PKIB: variants seen among roughly 807,000 people sequenced by gnomAD.
PKIB encodes cAMP-dependent protein kinase inhibitor beta.
A neutral mutation model predicts 4.5 loss-of-function variants in PKIB; 2 were observed. The ratio of observed to expected loss-of-function variants is 0.44; its 90% CI spans 0.18 to 1.39. The LOEUF (loss-of-function observed/expected upper bound fraction) is 1.39. Ranked by LOEUF, PKIB falls within the 40% of genes most tolerant of loss-of-function variation. The probability of loss-of-function intolerance (pLI) is 0.27; values close to 1 mark genes in which losing one functional copy is unlikely to be tolerated. For missense variants in PKIB, 94 were observed against 92.6 expected, an observed-to-expected ratio of 1.02 and a Z score of -0.06; for synonymous variants, 38 against 36.0, an observed-to-expected ratio of 1.06 and a Z score of -0.20.
chr6:122,722,287 A>T (rs905646032), intron 4 of PKIB, among the ~76,000 whole-genome samples: 3 of 152,184 alleles, frequency 2.0e-5, no homozygotes, highest in African/African-American at 7.2e-5. Context: ...ACACTTTCAC[A>T]TTACAAAGCA....
At chr6:122,546,608 A>G (rs1772500984) in intron 2 of PKIB, among the ~76,000 whole-genome samples, 2 of 152,132 alleles carry the variant, frequency 1.3e-5, no homozygotes, top group African/African-American at 2.4e-5. Flanking sequence ...CTTAAACTGT[A>G]TATAAAAGCC....
intron 1 of PKIB, among the ~76,000 whole-genome samples, chr6:122,476,256 G>A (rs1775449653): frequency 6.6e-6 from 1 of 152,094 alleles, no homozygotes. Context: ...TATCTTAAAT[G>A]TAAACATGTT....
At chr6:122,690,465 G>A (rs1582814893) in intron 3 of PKIB, among the ~76,000 whole-genome samples, 2 of 151,978 alleles carry the variant, frequency 1.3e-5, no homozygotes, top group South Asian at 2.1e-4. Flanking sequence ...CTCATAACCC[G>A]TTATGTTAAA....
exon 1 of PKIB, chr6:122,471,987 T>A (rs530924987): frequency 3.3e-6 from 3 of 900,824 alleles, no homozygotes; most frequent in South Asian, 2.0e-5. Context: ...GACTGCTGGC[T>A]GGAAACTTAA....
chr6:122,574,755 C>A (rs892643202), intron 2 of PKIB, among the ~76,000 whole-genome samples: 3 of 152,060 alleles, frequency 2.0e-5, no homozygotes, highest in African/African-American at 7.2e-5. Flanking sequence ...AACTCAAGAT[C>A]AATCAAAGAC....
At chr6:122,633,493 A>C (rs1484921411) in intron 2 of PKIB, 126 bp downstream of exon 2, 2 of 152,206 alleles carry the variant, frequency 1.3e-5, no homozygotes, top group African/African-American at 2.4e-5. Context: ...GGATATCTTC[A>C]TTTTAGAAAA....
At chr6:122,566,022 A>G (rs894458432) in intron 2 of PKIB, among the ~76,000 whole-genome samples, 3 of 151,788 alleles carry the variant, frequency 2.0e-5, no homozygotes, top group African/African-American at 7.3e-5. Context: ...TTCATCTTCT[A>G]ACAGTTTACT....
chr6:122,482,511 C>T (rs1312213215), intron 2 of PKIB: 1 of 149,330 alleles, frequency 6.7e-6, no homozygotes, highest in Non-Finnish European at 1.5e-5. Flanking sequence ...TGAATTTTAG[C>T]ATTAAAATGA....
At position 122,664,006 on chromosome 6, in the gene PKIB, T is replaced by A. The variant is rs181289722; in HGVS notation, c.-75-11072T>A. 6.7e-3 allele frequency among the ~76,000 whole-genome samples: 1,013 copies of A among 152,274 alleles called. 9 individuals carry two copies. Among genetic ancestry groups the A allele is most frequent in the Non-Finnish European group, 0.01 (690 of 68,014 alleles). ...TCTTTGTACCACTTCCTTCAAAAAATTTATTTACATATTCATGAGGATGTG... is the reference window on the plus strand; with the variant it reads ...TCTTTGTACCACTTCCTTCAAAAAAATTATTTACATATTCATGAGGATGTG... On this transcript the variant is annotated intron_variant, in intron 2 of 4. Coordinates refer to ENST00000368452, the MANE Select transcript of PKIB (RefSeq NM_181795.3).
intron 2 of PKIB, among the ~76,000 whole-genome samples, chr6:122,556,220 G>A (rs915135496): frequency 2.0e-5 from 3 of 152,240 alleles, no homozygotes; most frequent in South Asian, 2.1e-4. Flanking sequence ...GAAGAAGGAC[G>A]TGTTTTCTTC....
intron 2 of PKIB, among the ~76,000 whole-genome samples, chr6:122,585,719 A>T (rs961659946): frequency 6.6e-6 from 1 of 152,132 alleles, no homozygotes; most frequent in Non-Finnish European, 1.5e-5. Context: ...TTCTGGTCCA[A>T]TGTTCTTTCC....
chr6:122,673,208 A>G (rs923572163), intron 2 of PKIB, among the ~76,000 whole-genome samples: 4 of 152,100 alleles, frequency 2.6e-5, no homozygotes, highest in African/African-American at 9.7e-5. Context: ...ATAAAATTAT[A>G]GGGATATTTT....
chr6:122,605,686 A>G (rs1021385573), upstream of PKIB, among the ~76,000 whole-genome samples: 2 of 152,104 alleles, frequency 1.3e-5, no homozygotes, highest in African/African-American at 4.8e-5. Flanking sequence ...CTCCCCTCCA[A>G]GAGGGAAGCC....
intron 4 of PKIB, among the ~76,000 whole-genome samples, chr6:122,719,709 CCACACATACACACACACACACACACACA>C (rs67567965): frequency 4.4e-5 from 6 of 137,794 alleles, no homozygotes; most frequent in South Asian, 2.5e-4. Flanking sequence ...AGTGTTCCCA[CCACACATACACACACACACACACACACA>C]CACACACACA....
intron 3 of PKIB, among the ~76,000 whole-genome samples, chr6:122,710,638 C>A (rs984802326): frequency 1.3e-5 from 2 of 152,146 alleles, no homozygotes; most frequent in African/African-American, 4.8e-5. Flanking sequence ...ATTTTCTATC[C>A]TGGAATTAAG....
intron 2 of PKIB, among the ~76,000 whole-genome samples, chr6:122,567,773 A>G (rs1191454515): frequency 6.6e-6 from 1 of 152,246 alleles, no homozygotes. Context: ...GATATAAAAT[A>G]TGTAACAAAA....
At chr6:122,620,100 A>T (rs1224971995) in intron 1 of PKIB, among the ~76,000 whole-genome samples, 1 of 151,372 alleles carries the variant, frequency 6.6e-6, no homozygotes, top group Non-Finnish European at 1.5e-5. Context: ...ATATTTTTCC[A>T]CCCTCTTATA....
rs12662053 is a variant in PKIB, at chr6:122,540,392, G to A, written c.-247-45529G>A. Among the ~76,000 whole-genome samples the A allele has an allele frequency of 3.0e-3, 449 of 151,882 alleles. 4 individuals are homozygous for A. In the East Asian group the frequency reaches 0.03, roughly 10 times the overall value. ...TCTGGTATGTTGTGTCTTTGTTCTC[G>A]TTGGTTTCAAAGAACATCTTTATTT... On this transcript the variant is annotated intron_variant, in intron 2 of 6. Coordinates refer to the PKIB transcript ENST00000392491.
chr6:122,631,097 C>A (rs973674124), intron 1 of PKIB, among the ~76,000 whole-genome samples: 2 of 152,146 alleles, frequency 1.3e-5, no homozygotes, highest in Admixed American at 1.3e-4. Context: ...GGAAACAGAA[C>A]AAACAAACAT....
Sources: allele counts gnomAD v4.1 joint callset (sites outside exome capture counted in the v4.1 genomes callset), GRCh38; gene constraint gnomAD v4.1.1; transcripts MANE v1.5; gene names NCBI Gene and HGNC (gene_info 2026-07-23, HGNC 2026-07-21).